Variants in IL1RAPL1 observed in about 807,000 individuals in gnomAD.
IL1RAPL1 encodes interleukin-1 receptor accessory protein-like 1.
IL1RAPL1 carries 3 observed loss-of-function variants against 48.4 expected under a neutral mutation model. The ratio of observed to expected loss-of-function variants is 0.06; its 90% confidence interval spans 0.03 to 0.16. The LOEUF (loss-of-function observed/expected upper bound fraction) is 0.16. Ranked by LOEUF, IL1RAPL1 falls within the 10% of genes least tolerant of loss-of-function variation. IL1RAPL1 has a pLI of 1.00. For synonymous variants in IL1RAPL1, 185 were observed against 187.7 expected, an observed-to-expected ratio of 0.99 and a Z score of 0.12; for missense variants, 349 against 530.6, an observed-to-expected ratio of 0.66 and a Z score of 3.36.
chrX:29,584,704 C>G (rs182895524), intron 5 of IL1RAPL1, among the ~76,000 whole-genome samples: 28 of 111,802 alleles, frequency 2.5e-4, no homozygotes, highest in Middle Eastern at 4.6e-3. Context: ...CACATGTGCA[C>G]CACCATGCTT....
At chrX:29,201,137 C>T (rs1930546287) in intron 2 of IL1RAPL1, among the ~76,000 whole-genome samples, 1 of 111,447 alleles carries the variant, frequency 9.0e-6, no homozygotes, top group Non-Finnish European at 1.9e-5. Context: ...TTCCATCTGA[C>T]ATTTTCCAAT....
Position 28,870,860 on chromosome X carries a change from A to C in IL1RAPL1, c.82+81435A>C, listed in dbSNP as rs749054930. 5.4e-5 allele frequency among the ~76,000 whole-genome samples: 6 copies of C among 111,624 alleles called. No individual in the cohort carries two copies. In the South Asian group the frequency reaches 2.2e-3, roughly 41 times the overall value. ...TATTGTAATTTACTGTGTACAGTGG[A>C]GATAACCACAGTATGTAATATCCAT... On this transcript the variant is annotated intron_variant, in intron 2 of 10. Coordinates refer to ENST00000378993, the MANE Select transcript of IL1RAPL1 (RefSeq NM_014271.4).
intron 5 of IL1RAPL1, among the ~76,000 whole-genome samples, chrX:29,432,121 T>C (rs2147712886): frequency 9.0e-6 from 1 of 111,533 alleles, no homozygotes; most frequent in East Asian, 2.8e-4. Context: ...GGTTTACAGA[T>C]GTGCTTATTG....
At chrX:29,697,800 G>A (rs938090770) in intron 6 of IL1RAPL1, among the ~76,000 whole-genome samples, 5 of 111,256 alleles carry the variant, frequency 4.5e-5, no homozygotes, top group African/African-American at 9.8e-5. Flanking sequence ...CGACATGAGC[G>A]CATTAGCCAC....
At chrX:28,957,263 C>T (rs1257416388) in intron 2 of IL1RAPL1, among the ~76,000 whole-genome samples, 1 of 111,128 alleles carries the variant, frequency 9.0e-6, no homozygotes, top group Non-Finnish European at 1.9e-5. Context: ...TGCACATGTA[C>T]CCTAAAACTT....
chrX:28,996,807 G>A (rs1295142202), intron 2 of IL1RAPL1, among the ~76,000 whole-genome samples: 1 of 111,325 alleles, frequency 9.0e-6, no homozygotes, highest in Non-Finnish European at 1.9e-5. Context: ...TTGTGATTAT[G>A]ATTTGCATTT....
chrX:29,590,506 A>T (rs186798577), intron 5 of IL1RAPL1, among the ~76,000 whole-genome samples: 16 of 111,959 alleles, frequency 1.4e-4, no homozygotes, highest in African/African-American at 4.5e-4. Context: ...GAGATCTGGC[A>T]GGATGCTGAA....
At chrX:29,026,380 T>C (rs1468395176) in intron 2 of IL1RAPL1, among the ~76,000 whole-genome samples, 2 of 111,529 alleles carry the variant, frequency 1.8e-5, no homozygotes, top group African/African-American at 6.5e-5. Context: ...GCAATTTTAA[T>C]ATAAATGTAG....
intron 5 of IL1RAPL1, among the ~76,000 whole-genome samples, chrX:29,592,985 A>T (rs1388493987): frequency 8.9e-6 from 1 of 112,177 alleles, no homozygotes; most frequent in African/African-American, 3.2e-5. Context: ...AGGTCTCTGG[A>T]GGATAGTGTT....
intron 1 of IL1RAPL1, among the ~76,000 whole-genome samples, chrX:28,683,418 G>A (rs1389416025): frequency 9.0e-6 from 1 of 111,351 alleles, no homozygotes; most frequent in Non-Finnish European, 1.9e-5. Flanking sequence ...AAAGAAGATA[G>A]TGTACTTAAT....
intron 5 of IL1RAPL1, among the ~76,000 whole-genome samples, chrX:29,566,132 G>A (rs1922397311): frequency 9.0e-6 from 1 of 110,986 alleles, no homozygotes; most frequent in Non-Finnish European, 1.9e-5. Context: ...GTAGAGACGG[G>A]GTTTCACCGT....
At chrX:29,884,929 A>C (rs1932115774) in intron 6 of IL1RAPL1, among the ~76,000 whole-genome samples, 1 of 111,453 alleles carries the variant, frequency 9.0e-6, no homozygotes, top group Non-Finnish European at 1.9e-5. Flanking sequence ...ACTCTTATCA[A>C]CCTGGTATAA....
chrX:29,386,907 A>G lies in IL1RAPL1; in HGVS notation c.363-9351A>G, dbSNP rs1371229036. On this transcript the variant is annotated intron_variant, in intron 3 of 10. Coordinates refer to ENST00000378993, the MANE Select transcript of IL1RAPL1 (RefSeq NM_014271.4). Reference sequence around the variant, plus strand: ...TCAATTCTTTAATAAATAATATCATATATTTAGTCTTATATTACATTGCAT... The same window carrying G: ...TCAATTCTTTAATAAATAATATCATGTATTTAGTCTTATATTACATTGCAT... Among the ~76,000 whole-genome samples the G allele has an allele frequency of 2.7e-5, 3 of 112,043 alleles. No homozygotes were observed. The East Asian group carries it at 8.3e-4, about 31-fold the overall frequency.
intron 3 of IL1RAPL1, among the ~76,000 whole-genome samples, chrX:29,318,238 T>C (rs922174346): frequency 5.3e-5 from 6 of 112,562 alleles, no homozygotes; most frequent in Non-Finnish European, 7.5e-5. Flanking sequence ...CTGAATGTTT[T>C]TCAGGAAGAG....
chrX:28,793,005 G>T (rs914837144), intron 2 of IL1RAPL1, among the ~76,000 whole-genome samples: 2 of 104,327 alleles, frequency 1.9e-5, no homozygotes, highest in South Asian at 8.9e-4. Context: ...CTAAAGTTGT[G>T]CCTACATTTA....
intron 2 of IL1RAPL1, among the ~76,000 whole-genome samples, chrX:28,964,689 T>C (rs965013966): frequency 1.8e-5 from 2 of 111,830 alleles, no homozygotes; most frequent in African/African-American, 6.5e-5. Flanking sequence ...AAGTTTTAAT[T>C]TTTCCATTTT....
chrX:28,984,252 T>G (rs1465299117), intron 2 of IL1RAPL1, among the ~76,000 whole-genome samples: 1 of 111,613 alleles, frequency 9.0e-6, no homozygotes, highest in Admixed American at 9.5e-5. Context: ...ATTATAAATT[T>G]AATGATAAAT....
At chrX:29,510,228 A>G (rs1322197410) in intron 5 of IL1RAPL1, among the ~76,000 whole-genome samples, 4 of 112,414 alleles carry the variant, frequency 3.6e-5, no homozygotes, top group Non-Finnish European at 7.5e-5. Context: ...TCTGCTGTGT[A>G]TGTTCAGAGA....
At chrX:29,852,137 T>A in intron 6 of IL1RAPL1, among the ~76,000 whole-genome samples, 1 of 112,655 alleles carries the variant, frequency 8.9e-6, no homozygotes, top group Middle Eastern at 4.6e-3. Context: ...GCAGAAGTGG[T>A]GAATGTTAAG....
Sources: allele counts gnomAD v4.1 joint callset (sites outside exome capture counted in the v4.1 genomes callset), GRCh38; gene constraint gnomAD v4.1.1; transcripts MANE v1.5; gene names NCBI Gene and HGNC (gene_info 2026-07-23, HGNC 2026-07-21).